RECQL5: variants seen among roughly 807,000 people sequenced by gnomAD.
RECQL5 encodes the protein RecQ like helicase 5, also known as ATP-dependent DNA helicase Q5.
RECQL5 carries 88 observed loss-of-function variants against 103.4 expected under a neutral mutation model. The ratio of observed to expected loss-of-function variants is 0.85; its 90% CI spans 0.72 to 1.02. The LOEUF (loss-of-function observed/expected upper bound fraction) is 1.02, where lower values mean the gene tolerates loss of function less well. Ranked by LOEUF, RECQL5 falls within the 50% of genes least tolerant of loss-of-function variation. RECQL5 has a pLI of 0.00. For missense variants in RECQL5, 1,232 were observed against 1,284.3 expected (o/e 0.96, Z 0.62); for synonymous variants, 552 against 507.9 (o/e 1.09, Z -1.17).
intron 7 of RECQL5, among the ~76,000 whole-genome samples, chr17:75,656,859 C>T (rs566030995): frequency 6.6e-6 from 1 of 151,990 alleles, no homozygotes; most frequent in South Asian, 2.1e-4. Context: ...CTTCTCCTGC[C>T]CCAACCTCCC....
chr17:75,649,549 CCCGCCCCAAGGGA>C, intron 8 of RECQL5: 1 of 863,182 alleles, frequency 1.2e-6, no homozygotes, highest in Non-Finnish European at 1.4e-6. Flanking sequence ...CTGCCAGGTG[CCCGCCCCAAGGGA>C]TCGCTGGTGG....
chr17:75,656,638 G>A (rs1048895363), intron 7 of RECQL5, among the ~76,000 whole-genome samples: 1 of 151,494 alleles, frequency 6.6e-6, no homozygotes, highest in African/African-American at 2.4e-5. Flanking sequence ...TTTCTAGTAG[G>A]GTTTTTGTGT....
chr17:75,662,257 A>C (rs2059709511), intron 4 of RECQL5, among the ~76,000 whole-genome samples: 3 of 152,178 alleles, frequency 2.0e-5, no homozygotes, highest in Non-Finnish European at 1.5e-5. Flanking sequence ...GAGGCATCAC[A>C]CAGACTGGCT....
Position 75,630,841 on chromosome 17 carries a change from T to TGTGG in RECQL5, c.1586-5_1586-4insCCAC, listed in dbSNP as rs377686257. On this transcript the variant is annotated splice_region_variant and splice_polypyrimidine_tract_variant and intron_variant, in intron 11 of 19. Transcript: ENST00000317905. ...TCTTTCAGGGGACAGTTCTCATCTG[T>TGTGG]GGGGGGGGGGGGTGGTCCTTGGTCC... 3.5e-6 allele frequency: 4 copies of TGTGG among 1,135,112 alleles called. No homozygotes were observed. Among genetic ancestry groups the TGTGG allele is most frequent in the African/African-American group, 5.5e-5 (2 of 36,188 alleles). The allele number at this position is 1,135,112 out of a possible 1,614,324, so 70.3% of individuals were successfully genotyped here.
chr17:75,648,142 G>A (rs2059510761), intron 8 of RECQL5, among the ~76,000 whole-genome samples: 1 of 133,890 alleles, frequency 7.5e-6, no homozygotes, highest in African/African-American at 2.6e-5. Context: ...TCTTGAATAT[G>A]CTGTGTTCTC....
intron 8 of RECQL5, chr17:75,647,569 G>C: frequency 6.5e-7 from 1 of 1,549,806 alleles, no homozygotes; most frequent in Non-Finnish European, 8.7e-7. Context: ...GGAGTGACCT[G>C]ACTTGCTGGG....
At chr17:75,650,357 A>G in intron 8 of RECQL5, 2 of 1,141,282 alleles carry the variant, frequency 1.8e-6, no homozygotes, top group Non-Finnish European at 1.1e-6. Context: ...ACACAGCCCA[A>G]AGAGTTTCTC....
At position 75,635,934 on chromosome 17, in the gene RECQL5, G is replaced by A. The variant is rs775189356; in HGVS notation, c.1230-4266C>T. On this transcript the variant is annotated intron_variant, in intron 8 of 19. Transcript: ENST00000317905. ...CCAAGTGGCAGCTGTCTGGCCTGCG[G>A]GATGCCTGCCTGTTGCAAGGCTCCG... is the stretch of plus-strand genomic sequence containing the variant. 7.6e-4 allele frequency: 671 copies of A among 878,380 alleles called. 1 individual carries two copies. The highest frequency in any genetic ancestry group is 1.1e-3 in the Admixed American group (17 of 16,170). The allele number at this position is 878,380 out of a possible 1,614,324, so 54.4% of individuals were successfully genotyped here. A position where few individuals can be genotyped will look rare whatever the true frequency, so the allele number is the denominator to read the frequency against.
At chr17:75,646,435 G>A (rs1216971178) in intron 8 of RECQL5, 2 of 152,372 alleles carry the variant, frequency 1.3e-5, no homozygotes, top group East Asian at 3.9e-4. Context: ...TCCACCCCAA[G>A]TCTGACTTCT....
chr17:75,662,298 AG>A (rs2059710052), intron 4 of RECQL5, among the ~76,000 whole-genome samples, 180 bp downstream of exon 4: 1 of 152,246 alleles, frequency 6.6e-6, no homozygotes, highest in Non-Finnish European at 1.5e-5. Flanking sequence ...ATCCAGAACA[AG>A]GAAACCCTGG....
At chr17:75,645,344 C>T (rs770328506) in intron 8 of RECQL5, among the ~76,000 whole-genome samples, 2 of 152,170 alleles carry the variant, frequency 1.3e-5, no homozygotes, top group Admixed American at 6.5e-5. Context: ...GGTGCTTCAG[C>T]GCTCAGACTG....
At chr17:75,641,005 G>A in intron 8 of RECQL5, 2 of 1,479,724 alleles carry the variant, frequency 1.4e-6, no homozygotes, top group African/African-American at 1.4e-5. Context: ...GGCTCCCCTG[G>A]CCCCAGCTCT....
Position 75,640,148 on chromosome 17 carries a change from T to C in RECQL5, c.1230-8480A>G. On this transcript the variant is annotated intron_variant, in intron 8 of 19. Transcript: ENST00000317905. The surrounding 1 kb of genome is among the most constrained non-coding windows in gnomAD (Gnocchi z 4.6). ...GGGCCAGCCGTGGAGGCTCCAGGTG[T>C]TCTCTCTGCCCCAGCAGAGCCCGGC... 5 of 1,496,984 alleles carry C rather than the reference T, an allele frequency of 3.3e-6. No individual in the cohort carries two copies. Among genetic ancestry groups the C allele is most frequent in the South Asian group, 1.3e-5 (1 of 77,462 alleles). 92.7% of individuals were successfully genotyped at this position (1,496,984 alleles called of 1,614,324 possible).
intron 2 of RECQL5, 53 bp from the exon 3 acceptor site, chr17:75,665,225 G>A (rs1244918832): frequency 1.3e-6 from 2 of 1,538,324 alleles, no homozygotes; most frequent in African/African-American, 1.4e-5. Flanking sequence ...TTTCATTGAA[G>A]TTGTTGAAAA....
chr17:75,650,722 C>A, intron 8 of RECQL5: 1 of 1,612,888 alleles, frequency 6.2e-7, no homozygotes, highest in Non-Finnish European at 8.5e-7. Flanking sequence ...CCATCGCCTG[C>A]AGATGCAGGT....
chr17:75,660,159 C>T (rs989952031), intron 6 of RECQL5, among the ~76,000 whole-genome samples: 1 of 151,956 alleles, frequency 6.6e-6, no homozygotes, highest in Non-Finnish European at 1.5e-5. Flanking sequence ...CTCCGCCTCC[C>T]GGGCTCAAGC....
chr17:75,660,559 C>T (rs1359234164), intron 6 of RECQL5, among the ~76,000 whole-genome samples: 1 of 152,208 alleles, frequency 6.6e-6, no homozygotes, highest in Non-Finnish European at 1.5e-5. Context: ...AAGAATTTTT[C>T]AACTCCATTA....
chr17:75,629,167 G>C lies in RECQL5; in HGVS notation c.2256C>G (p.Leu752=). ...AATCCTTGTGGGCCGCTGTGGCTAG[G>C]AGCTGCTGTTTCTTGCTAGCCCGGC... ...AKGRASKKQQ[L]LATAAHKDSQ... is the part of the protein sequence containing the mutation. The change falls in exon 16 of 20, where the codon CTC becomes CTG. Residue 752 remains leucine, a synonymous_variant. Coordinates refer to ENST00000317905, the MANE Select transcript of RECQL5 (RefSeq NM_004259.7). The C allele has an allele frequency of 6.2e-7, 1 of 1,613,770 alleles. No individual in the cohort carries two copies. Among genetic ancestry groups the C allele is most frequent in the Non-Finnish European group, 8.5e-7 (1 of 1,180,000 alleles).
Position 75,629,230 on chromosome 17 carries a change from C to T in RECQL5, c.2193G>A (p.Lys731=), listed in dbSNP as rs904222202. ...AHYGGPSPEK[K]AKSSSGGSSL... ...AGCTGCCCCCAGAGGAACTTTTTGC[C>T]TTCTTCTCAGGGGAGGGCCCCCCAT... is the stretch of plus-strand genomic sequence containing the variant. The change falls in exon 16 of 20, where the codon AAG becomes AAA. Residue 731 remains lysine (K), a synonymous_variant. Coordinates refer to ENST00000317905, the MANE Select transcript of RECQL5 (RefSeq NM_004259.7). 3.7e-6 allele frequency: 6 copies of T among 1,612,862 alleles called. No individual in the cohort carries two copies. The African/African-American group carries it at 6.7e-5, about 18-fold the overall frequency.
Sources: gnomAD v4.1 joint callset for allele counts (sites outside exome capture counted in the v4.1 genomes callset) on GRCh38, gnomAD v4.1.1 for gene constraint, Gnocchi (gnomAD v3.1) non-coding constraint, MANE v1.5 for transcripts, NCBI Gene and HGNC (gene_info 2026-07-23, HGNC 2026-07-21) for gene names.